FBLN5: variants seen among roughly 807,000 people sequenced by gnomAD.
The protein encoded by FBLN5 is fibulin-5.
FBLN5 carries 24 observed loss-of-function variants against 61.6 expected under a neutral mutation model. That is an observed-to-expected ratio of 0.39 (90% CI 0.28 to 0.55). The LOEUF is 0.55. FBLN5 is among the 20% of genes least tolerant of loss of function. The probability of loss-of-function intolerance (pLI) is 0.65; values close to 1 mark genes in which losing one functional copy is unlikely to be tolerated. For synonymous variants in FBLN5, 213 were observed against 219.8 expected, an observed-to-expected ratio of 0.97 and a Z score of 0.27; for missense variants, 470 against 594.1, an observed-to-expected ratio of 0.79 and a Z score of 2.17.
At chr14:91,887,565 G>T (rs967329561) in intron 6 of FBLN5, among the ~76,000 whole-genome samples, 2 of 152,012 alleles carry the variant, frequency 1.3e-5, no homozygotes, top group South Asian at 4.2e-4. Flanking sequence ...GTATACACAT[G>T]ATATAAACAT....
At chr14:91,930,121 T>A (rs2055898537) in intron 4 of FBLN5, among the ~76,000 whole-genome samples, 1 of 152,210 alleles carries the variant, frequency 6.6e-6, no homozygotes, top group African/African-American at 2.4e-5. Context: ...GGAGAAGTCA[T>A]CACGGAATGA....
At chr14:91,890,301 T>A (rs891077054) in intron 6 of FBLN5, among the ~76,000 whole-genome samples, 1 of 152,134 alleles carries the variant, frequency 6.6e-6, no homozygotes, top group Non-Finnish European at 1.5e-5. Flanking sequence ...CCAAACTCAA[T>A]GGCCAGGAGC....
At chr14:91,893,557 A>G (rs981165246) in intron 5 of FBLN5, among the ~76,000 whole-genome samples, 12 of 152,234 alleles carry the variant, frequency 7.9e-5, no homozygotes, top group African/African-American at 2.9e-4. Flanking sequence ...ACTGACTTTC[A>G]GGCAACAGAA....
intron 1 of FBLN5, among the ~76,000 whole-genome samples, chr14:91,945,844 TC>T (rs2056175118): frequency 1.3e-5 from 2 of 152,108 alleles, no homozygotes; most frequent in South Asian, 4.1e-4. Flanking sequence ...CAGAGCCAAA[TC>T]CCAGGGCTTT....
intron 6 of FBLN5, 24 bp from the exon 7 acceptor site, chr14:91,887,336 C>T (rs1889773532): frequency 6.2e-7 from 1 of 1,610,516 alleles, no homozygotes; most frequent in Non-Finnish European, 8.5e-7. Flanking sequence ...AGGCACATTG[C>T]TGACTGTCCT....
intron 5 of FBLN5, among the ~76,000 whole-genome samples, chr14:91,894,423 A>C (rs1409489925): frequency 6.9e-6 from 1 of 144,910 alleles, no homozygotes; most frequent in African/African-American, 2.5e-5. Flanking sequence ...AAAAAAAAAA[A>C]AAAACCGAAA....
At chr14:91,883,963 C>G (rs1346456551) in intron 7 of FBLN5, among the ~76,000 whole-genome samples, 3 of 152,228 alleles carry the variant, frequency 2.0e-5, no homozygotes. Flanking sequence ...CCTGTTTGAG[C>G]CTCATTCGAT....
intron 4 of FBLN5, among the ~76,000 whole-genome samples, chr14:91,899,181 AC>A (rs767907997): frequency 1.3e-5 from 2 of 151,584 alleles, no homozygotes; most frequent in Non-Finnish European, 2.9e-5. Flanking sequence ...AGCCTCCATG[AC>A]CTTTGGAAGA....
intron 4 of FBLN5, among the ~76,000 whole-genome samples, chr14:91,912,853 C>T (rs1687179482): frequency 6.7e-6 from 1 of 148,864 alleles, no homozygotes; most frequent in African/African-American, 2.5e-5. Context: ...CAGGAAAAGA[C>T]TGAGACACTT....
chr14:91,884,918 A>G (rs1889656405), intron 7 of FBLN5, among the ~76,000 whole-genome samples: 1 of 152,206 alleles, frequency 6.6e-6, no homozygotes, highest in African/African-American at 2.4e-5. Context: ...ATACAAGCCC[A>G]GTTTCTGGCA....
intron 4 of FBLN5, among the ~76,000 whole-genome samples, chr14:91,918,524 G>T (rs1359555261): frequency 6.6e-6 from 1 of 152,202 alleles, no homozygotes; most frequent in Non-Finnish European, 1.5e-5. Context: ...AACTCTGGGG[G>T]CTTAAGAATG....
At chr14:91,944,428 G>C (rs1022758775) in intron 1 of FBLN5, among the ~76,000 whole-genome samples, 1 of 152,154 alleles carries the variant, frequency 6.6e-6, no homozygotes, top group African/African-American at 2.4e-5. Flanking sequence ...GAATTTCCAT[G>C]TGATCCAGCC....
chr14:91,946,893 T>C (rs2056194109), intron 1 of FBLN5: 3 of 1,471,204 alleles, frequency 2.0e-6, no homozygotes, highest in Non-Finnish European at 2.7e-6. Flanking sequence ...AAAAAATACA[T>C]ACAAAAATCC....
chr14:91,915,914 C>T (rs559781219), intron 4 of FBLN5, among the ~76,000 whole-genome samples: 20 of 151,978 alleles, frequency 1.3e-4, no homozygotes, highest in Non-Finnish European at 2.6e-4. Flanking sequence ...TATATGTGGA[C>T]ACCAAAACTA....
intron 4 of FBLN5, among the ~76,000 whole-genome samples, chr14:91,922,580 T>C (rs1303473298): frequency 3.3e-5 from 5 of 152,152 alleles, no homozygotes; most frequent in Non-Finnish European, 7.4e-5. Flanking sequence ...CCCCAGCCAC[T>C]GTCTGCTCTC....
At chr14:91,898,636 C>T (rs1890323360) in intron 4 of FBLN5, among the ~76,000 whole-genome samples, 1 of 152,092 alleles carries the variant, frequency 6.6e-6, no homozygotes, top group Non-Finnish European at 1.5e-5. Flanking sequence ...TGGAAAAGTA[C>T]AAGCTATGAC....
At chr14:91,899,096 C>T (rs967651818) in intron 4 of FBLN5, among the ~76,000 whole-genome samples, 3 of 152,088 alleles carry the variant, frequency 2.0e-5, no homozygotes, top group Non-Finnish European at 4.4e-5. Context: ...GCCACCGTGC[C>T]CGGCCCCCAT....
chr14:91,898,413 C>T lies in FBLN5; in HGVS notation c.380-3341G>A, dbSNP rs142858959. ...TGTACTTTAAAAACAGCCACCACCACGCCAACCACTGTCAGCTTACACACC... is the reference window on the plus strand; with the variant it reads ...TGTACTTTAAAAACAGCCACCACCATGCCAACCACTGTCAGCTTACACACC... On this transcript the variant is annotated intron_variant, in intron 4 of 10. Transcript: ENST00000342058. 1.1e-4 allele frequency among the ~76,000 whole-genome samples: 17 copies of T among 152,232 alleles called. No individual in the cohort carries two copies. In the East Asian group the frequency reaches 1.7e-3, roughly 16 times the overall value.
intron 2 of FBLN5, chr14:91,942,078 CACTT>C (rs1380150529): frequency 2.2e-6 from 1 of 453,496 alleles, no homozygotes; most frequent in Admixed American, 2.4e-5. Context: ...GGGCTTCTCT[CACTT>C]CTTTCCTGAG....
Sources: gnomAD v4.1 joint callset for allele counts (sites outside exome capture counted in the v4.1 genomes callset) on GRCh38, gnomAD v4.1.1 for gene constraint, MANE v1.5 for transcripts, NCBI Gene and HGNC (gene_info 2026-07-23, HGNC 2026-07-21) for gene names.